Variants in CLYBL observed in about 807,000 individuals in gnomAD.
CLYBL encodes citramalyl-CoA lyase.
CLYBL carries 31 observed loss-of-function variants against 38.9 expected under a neutral mutation model. The ratio of observed to expected loss-of-function variants is 0.80; its 90% CI spans 0.60 to 1.08. CLYBL has a LOEUF of 1.08. Ranked by LOEUF, CLYBL falls within the 50% of genes least tolerant of loss-of-function variation. CLYBL has a pLI of 0.00. For missense variants in CLYBL, 434 were observed against 411.6 expected, an observed-to-expected ratio of 1.05 and a Z score of -0.47; for synonymous variants, 171 against 158.6, an observed-to-expected ratio of 1.08 and a Z score of -0.59.
At chr13:99,860,057 C>T (rs1231813912) in intron 3 of CLYBL, among the ~76,000 whole-genome samples, 1 of 152,052 alleles carries the variant, frequency 6.6e-6, no homozygotes, top group Non-Finnish European at 1.5e-5. Context: ...GTGAGGTCTG[C>T]GTTGCCCAGT....
intron 1 of CLYBL, among the ~76,000 whole-genome samples, chr13:99,748,714 C>T (rs535885959): frequency 6.6e-6 from 1 of 151,788 alleles, no homozygotes; most frequent in Admixed American, 6.6e-5. Flanking sequence ...GCTGGAATTA[C>T]AGGCATGAGC....
At chr13:99,774,430 C>T (rs2049467497) in intron 2 of CLYBL, among the ~76,000 whole-genome samples, 1 of 152,118 alleles carries the variant, frequency 6.6e-6, no homozygotes, top group Non-Finnish European at 1.5e-5. Flanking sequence ...TTGCATGGAA[C>T]TTTTAAAGTT....
At chr13:99,767,225 GT>G (rs1242943002) in intron 1 of CLYBL, among the ~76,000 whole-genome samples, 3 of 152,080 alleles carry the variant, frequency 2.0e-5, no homozygotes, top group Non-Finnish European at 4.4e-5. Context: ...TCTGCTCAGG[GT>G]TTTTTCTGGG....
Position 99,752,269 on chromosome 13 carries a change from C to T in CLYBL, c.63-20555C>T, listed in dbSNP as rs189804831. Among the ~76,000 whole-genome samples the T allele has an allele frequency of 1.4e-3, 211 of 152,278 alleles. 1 individual carries two copies. The highest frequency in any genetic ancestry group is 4.3e-3 in the South Asian group (21 of 4,828). On this transcript the variant is annotated intron_variant, in intron 1 of 8. Transcript: ENST00000339105. ...TAATGGAAACTTGTGGCCCTTTCTCCTTGAACATTCCCTAGCCTGCCACCC... is the reference window on the plus strand; with the variant it reads ...TAATGGAAACTTGTGGCCCTTTCTCTTTGAACATTCCCTAGCCTGCCACCC...
intron 2 of CLYBL, among the ~76,000 whole-genome samples, chr13:99,823,373 A>G (rs1384137163): frequency 2.6e-5 from 4 of 152,234 alleles, no homozygotes; most frequent in African/African-American, 9.6e-5. Context: ...GCTAGTTTAC[A>G]GGTTTTAACA....
intron 7 of CLYBL, among the ~76,000 whole-genome samples, chr13:99,871,587 A>T (rs565587479): frequency 1.3e-5 from 2 of 152,338 alleles, no homozygotes; most frequent in South Asian, 4.1e-4. Flanking sequence ...AATGGAAAGC[A>T]AATTAACACT....
chr13:99,695,384 C>T (rs1460200231), intron 1 of CLYBL, among the ~76,000 whole-genome samples: 1 of 152,046 alleles, frequency 6.6e-6, no homozygotes, highest in African/African-American at 2.4e-5. Flanking sequence ...GAAATGAAGC[C>T]TCAAAGACCC....
intron 2 of CLYBL, among the ~76,000 whole-genome samples, chr13:99,828,603 C>G (rs1170519455): frequency 6.6e-6 from 1 of 152,060 alleles, no homozygotes. Context: ...CAGTGGGGAG[C>G]AGGGTTTTCT....
intron 1 of CLYBL, among the ~76,000 whole-genome samples, chr13:99,753,034 A>C (rs1405759350): frequency 6.6e-6 from 1 of 152,130 alleles, no homozygotes; most frequent in Non-Finnish European, 1.5e-5. Context: ...TGCTGAGGAC[A>C]GGGCATGTAG....
At chr13:99,733,387 G>A (rs1014027166) in intron 1 of CLYBL, among the ~76,000 whole-genome samples, 1 of 152,134 alleles carries the variant, frequency 6.6e-6, no homozygotes, top group Non-Finnish European at 1.5e-5. Flanking sequence ...GAATGAACCC[G>A]TCGTAATTTG....
chr13:99,759,608 A>G lies in CLYBL; in HGVS notation c.63-13216A>G, dbSNP rs1417300446. On this transcript the variant is annotated intron_variant, in intron 1 of 8. Transcript: ENST00000339105. ...CCCTCAGAGAGCTCATGCTCTAGGT[A>G]AGGATACCAGACACAGAATTTCTGG... 2.0e-5 allele frequency among the ~76,000 whole-genome samples: 3 copies of G among 152,166 alleles called. No individual in the cohort carries two copies. The East Asian group carries it at 5.8e-4, about 29-fold the overall frequency.
chr13:99,695,297 A>G (rs547875676), intron 1 of CLYBL, among the ~76,000 whole-genome samples: 1 of 152,238 alleles, frequency 6.6e-6, no homozygotes, highest in East Asian at 1.9e-4. Context: ...TGACACCCCT[A>G]TAACAAAAGA....
chr13:99,878,032 G>A (rs1311655816), intron 7 of CLYBL, among the ~76,000 whole-genome samples: 1 of 151,862 alleles, frequency 6.6e-6, no homozygotes, highest in Admixed American at 6.6e-5. Flanking sequence ...TCTCTCTACC[G>A]TAGCACGCAC....
chr13:99,879,703 A>G lies in CLYBL; in HGVS notation c.927+8641A>G, dbSNP rs534724789. Among the ~76,000 whole-genome samples, 20 of 152,294 alleles carry G rather than the reference A, an allele frequency of 1.3e-4. No individual in the cohort carries two copies. In the South Asian group the frequency reaches 3.9e-3, roughly 30 times the overall value. Reference sequence around the variant, plus strand: ...CCTGTTTCTATTCATTGTATTTTCAAAAACACTGATGTTTCTCAAACTCTT... The same window carrying G: ...CCTGTTTCTATTCATTGTATTTTCAGAAACACTGATGTTTCTCAAACTCTT... On this transcript the variant is annotated intron_variant, in intron 7 of 8. Transcript: ENST00000339105.
intron 1 of CLYBL, among the ~76,000 whole-genome samples, chr13:99,770,420 C>T (rs1333382262): frequency 6.6e-6 from 1 of 152,152 alleles, no homozygotes; most frequent in East Asian, 1.9e-4. Flanking sequence ...CGGGTTCACG[C>T]CATTCTCCTG....
At chr13:99,651,267 G>A (rs979290642) in intron 1 of CLYBL, among the ~76,000 whole-genome samples, 28 of 152,332 alleles carry the variant, frequency 1.8e-4, no homozygotes, top group African/African-American at 6.7e-4. Context: ...TTGGTGCCAA[G>A]CACATGACAA....
At chr13:99,810,949 T>C (rs1283837343) in intron 2 of CLYBL, among the ~76,000 whole-genome samples, 4 of 152,108 alleles carry the variant, frequency 2.6e-5, no homozygotes, top group Admixed American at 2.6e-4. Flanking sequence ...TAAGAAAGTT[T>C]ACAAAGAAAC....
intron 1 of CLYBL, among the ~76,000 whole-genome samples, chr13:99,755,054 C>T (rs1446605849): frequency 4.0e-5 from 6 of 151,620 alleles, no homozygotes; most frequent in Admixed American, 2.6e-4. Context: ...CCTGCCACCA[C>T]GCCCGGCTAA....
At chr13:99,612,244 C>T (rs949651136) in intron 1 of CLYBL, among the ~76,000 whole-genome samples, 2 of 151,804 alleles carry the variant, frequency 1.3e-5, no homozygotes, top group African/African-American at 2.4e-5. Flanking sequence ...TTTGTTTTAT[C>T]GATTTTTCTC....
Sources: allele counts gnomAD v4.1 joint callset (sites outside exome capture counted in the v4.1 genomes callset), GRCh38; gene constraint gnomAD v4.1.1; transcripts MANE v1.5; gene names NCBI Gene and HGNC (gene_info 2026-07-23, HGNC 2026-07-21).